Variants in DAZL observed in about 807,000 individuals in gnomAD.
The protein encoded by DAZL is deleted in azoospermia like, also known as deleted in azoospermia-like.
DAZL carries 4 observed loss-of-function variants against 45.0 expected under a neutral mutation model. The observed-to-expected ratio is 0.09, with a 90% CI of 0.04 to 0.20. The LOEUF is 0.20. DAZL is among the 10% of genes least tolerant of loss of function. The pLI, the probability that DAZL is intolerant of heterozygous loss-of-function variation, is 1.00. For synonymous variants in DAZL, 122 were observed against 112.4 expected, an observed-to-expected ratio of 1.09 and a Z score of -0.54; for missense variants, 326 against 351.3, an observed-to-expected ratio of 0.93 and a Z score of 0.58.
At chr3:16,597,867 G>A (rs1036735396) in intron 3 of DAZL, among the ~76,000 whole-genome samples, 8 of 152,106 alleles carry the variant, frequency 5.3e-5, no homozygotes, top group African/African-American at 1.9e-4. Flanking sequence ...AGTTCTTTGA[G>A]AAAACTGATT....
In DAZL at chr3:16,595,938, G is replaced by A. The variant is rs1694593079; in HGVS notation, c.499-553C>T. Reference sequence around the variant, plus strand: ...AGCTACTGATTGAAAACATATAGGTGGCAGCATACACGAATACACCCAGAT... The same window carrying A: ...AGCTACTGATTGAAAACATATAGGTAGCAGCATACACGAATACACCCAGAT... On this transcript the variant is annotated intron_variant, in intron 6 of 10. Transcript: ENST00000399444. Among the ~76,000 whole-genome samples the A allele has an allele frequency of 1.3e-5, 2 of 151,694 alleles. 1 individual carries two copies. Among genetic ancestry groups the A allele is most frequent in the Non-Finnish European group, 2.9e-5 (2 of 67,848 alleles).
chr3:16,598,408 T>C, intron 2 of DAZL, 44 bp downstream of exon 2: 1 of 1,598,160 alleles, frequency 6.3e-7, no homozygotes, highest in South Asian at 1.1e-5. Context: ...AATCCCATTA[T>C]TCATAATGCA....
intron 10 of DAZL, among the ~76,000 whole-genome samples, chr3:16,590,572 A>G (rs576302423): frequency 2.0e-5 from 3 of 152,374 alleles, no homozygotes; most frequent in Admixed American, 2.0e-4. Flanking sequence ...TCCACGTAAT[A>G]ACTTGTACAT....
rs1471521899 is a variant in DAZL, at chr3:16,596,895, T to C, written c.359-6A>G. 1.2e-6 allele frequency: 2 copies of C among 1,613,694 alleles called. No individual in the cohort carries two copies. The highest frequency in any genetic ancestry group is 1.3e-5 in the African/African-American group (1 of 74,906). ...TGGCTGCACATGATAAGCACCTTTTTGAAAAGCAAAAAGAAAAGGCCTATT... is the reference window on the plus strand; with the variant it reads ...TGGCTGCACATGATAAGCACCTTTTCGAAAAGCAAAAAGAAAAGGCCTATT... On this transcript the variant is annotated splice_polypyrimidine_tract_variant and splice_region_variant and intron_variant, in intron 5 of 10. Transcript: ENST00000399444.
chr3:16,596,729 G>C, intron 6 of DAZL, 21 bp downstream of exon 6: 1 of 1,612,574 alleles, frequency 6.2e-7, no homozygotes, highest in Non-Finnish European at 8.5e-7. Context: ...CAAGAGAATA[G>C]GAACGTTAAG....
chr3:16,600,071 C>T (rs1205886700), intron 1 of DAZL, among the ~76,000 whole-genome samples: 2 of 151,596 alleles, frequency 1.3e-5, no homozygotes, highest in African/African-American at 2.4e-5. Flanking sequence ...TAATTAAGAA[C>T]GAATTGAAAC....
chr3:16,592,576 A>AGG (rs1559401704), intron 9 of DAZL, among the ~76,000 whole-genome samples: 6 of 150,242 alleles, frequency 4.0e-5, no homozygotes, highest in South Asian at 4.2e-4. Context: ...CTTGGGGAAA[A>AGG]AAAAAAAAAA....
At chr3:16,602,556 C>T (rs545694181) in intron 1 of DAZL, among the ~76,000 whole-genome samples, 2 of 152,274 alleles carry the variant, frequency 1.3e-5, no homozygotes, top group Non-Finnish European at 2.9e-5. Context: ...TTTTACAAAG[C>T]TAACAGCATA....
In DAZL at chr3:16,598,088, C is replaced by T; in HGVS notation, c.241G>A (p.Gly81Ser). The stretch of plus-strand genomic sequence containing the variant: ...GATATTTTTGATAAAATTACTCACC[C>T]TTTGGACACACCAGTTCGATCAGTG... ...IITDRTGVSK[G>S]YGFVSFFNDV... The change falls in exon 3 of 11, where the codon GGC becomes AGC. Residue 81 changes from glycine (G) to serine (S), a missense_variant and splice_region_variant. Gly to Ser is a moderately conservative substitution (Grantham distance 56, BLOSUM62 0). Around this residue, in one of 3 missense-constraint regions of DAZL, gnomAD observed 18 missense variants for 45.0 expected, o/e 0.40. Transcript: ENST00000399444. 1.9e-6 allele frequency: 3 copies of T among 1,582,580 alleles called. No individual in the cohort carries two copies. The highest frequency in any genetic ancestry group is 2.6e-6 in the Non-Finnish European group (3 of 1,155,866).
intron 10 of DAZL, among the ~76,000 whole-genome samples, chr3:16,590,280 T>C (rs1010533698): frequency 2.4e-5 from 3 of 123,894 alleles, no homozygotes; most frequent in African/African-American, 7.6e-5. Context: ...GTTGCGAAGA[T>C]GTTAAGAACT....
At chr3:16,591,936 C>T in intron 10 of DAZL, 114 bp downstream of exon 10, 1 of 1,256,002 alleles carries the variant, frequency 8.0e-7, no homozygotes, top group Non-Finnish European at 1.1e-6. Flanking sequence ...AGTCAAATGC[C>T]AACAGTTAAT....
rs972341755 is a variant in DAZL at position 16,598,453 on chromosome 3, C to T, written c.149G>A (p.Arg50Lys). 5 of 1,607,596 alleles carry T rather than the reference C, an allele frequency of 3.1e-6. No homozygotes were observed. The highest frequency in any genetic ancestry group is 1.7e-4 in the Middle Eastern group (1 of 6,056). The change falls in exon 2 of 11, where the codon AGG (arginine) becomes AAG (lysine). Residue 50 changes from arginine to lysine, a missense_variant and splice_region_variant. Physicochemically the swap from Arg to Lys is conservative, Grantham distance 26 (BLOSUM62 2). This residue lies in a region of DAZL where 81 missense variants were observed against 89.6 expected (regional missense o/e 0.90). Transcript: ENST00000399444. ...AAAAATGAGGTATGAATACAATACC[C>T]TAACATCAATTCCTCCAACAAAAAC... ...NTVFVGGIDV[R>K]MDETEIRSFF...
chr3:16,604,851 G>C lies in DAZL; in HGVS notation c.3+352C>G, dbSNP rs908982173. 6 of 716,418 alleles carry C rather than the reference G, an allele frequency of 8.4e-6. No homozygotes were observed. The East Asian group carries it at 8.9e-5, about 11-fold the overall frequency. The allele number at this position is 716,418 out of a possible 1,614,324, so 44.4% of individuals were successfully genotyped here. A position where few individuals can be genotyped will look rare whatever the true frequency, so the allele number is the denominator to read the frequency against. ...GTGGGAGTGGGGGCGGGGTGGGGCA[G>C]TCGGGGGTGGGGAACCCGCACCCCA... On this transcript the variant is annotated intron_variant, in intron 1 of 10. Coordinates refer to ENST00000399444, the MANE Select transcript of DAZL (RefSeq NM_001351.4).
chr3:16,597,162 A>G (rs1694613147), intron 4 of DAZL, 111 bp from the exon 5 acceptor site: 17 of 1,264,516 alleles, frequency 1.3e-5, no homozygotes, highest in Non-Finnish European at 1.8e-5. Context: ...AAGATCAGTG[A>G]TAACTACACA....
At chr3:16,604,873 C>A in intron 1 of DAZL, 1 of 724,244 alleles carries the variant, frequency 1.4e-6, no homozygotes, top group Non-Finnish European at 2.2e-6. Context: ...GAACCCGCAC[C>A]CCAAACCTCT....
chr3:16,595,945 T>C (rs369053071), intron 6 of DAZL, among the ~76,000 whole-genome samples: 1 of 151,898 alleles, frequency 6.6e-6, no homozygotes, highest in African/African-American at 2.4e-5. Context: ...GGTGGCAGCA[T>C]ACACGAATAC....
chr3:16,594,051 C>G (rs41285045), intron 8 of DAZL, among the ~76,000 whole-genome samples: 7 of 152,108 alleles, frequency 4.6e-5, no homozygotes, highest in Admixed American at 4.6e-4. Flanking sequence ...CTTATTATAT[C>G]CTTCAAATTT....
chr3:16,596,637 A>C, intron 6 of DAZL, 113 bp downstream of exon 6: 3 of 1,170,150 alleles, frequency 2.6e-6, no homozygotes, highest in South Asian at 1.3e-5. Context: ...CCCATCACTC[A>C]AAGTATTCAA....
chr3:16,605,081 G>T, intron 1 of DAZL, 122 bp downstream of exon 1: 1 of 1,282,632 alleles, frequency 7.8e-7, no homozygotes, highest in Non-Finnish European at 1.1e-6. Context: ...GGTGCGTCCA[G>T]GCAGGTGCCC....
Sources: allele counts gnomAD v4.1 joint callset (sites outside exome capture counted in the v4.1 genomes callset), GRCh38; gene constraint gnomAD v4.1.1; regional missense constraint gnomAD v4.1.1; transcripts MANE v1.5; gene names NCBI Gene and HGNC (gene_info 2026-07-23, HGNC 2026-07-21).